Variants in RAI14 observed in about 807,000 individuals in gnomAD.
RAI14 encodes the protein ankycorbin.
Under a neutral mutation model 115.4 loss-of-function variants are expected in RAI14, and 45 were observed. The observed-to-expected ratio is 0.39, with a 90% confidence interval of 0.31 to 0.50. The LOEUF (loss-of-function observed/expected upper bound fraction) is 0.50, where lower values mean the gene tolerates loss of function less well. Among genes scored for constraint, RAI14 ranks in the 20% least tolerant of loss-of-function variants. RAI14 has a pLI of 0.85. For synonymous variants in RAI14, 371 were observed against 415.4 expected, an observed-to-expected ratio of 0.89 and a Z score of 1.30; for missense variants, 939 against 1,131.2, an observed-to-expected ratio of 0.83 and a Z score of 2.44.
intron 3 of RAI14, among the ~76,000 whole-genome samples, chr5:34,771,092 G>C (rs1160946566): frequency 3.3e-5 from 5 of 152,174 alleles, no homozygotes; most frequent in African/African-American, 1.2e-4. Context: ...GGAAAGAAGG[G>C]AGTCGTGGGT....
At position 34,826,450 on chromosome 5, in the gene RAI14, C is replaced by T; in HGVS notation, c.2770C>T (p.Gln924Ter). 1 of 1,613,900 alleles carries T rather than the reference C, an allele frequency of 6.2e-7. No individual in the cohort carries two copies. Among genetic ancestry groups the T allele is most frequent in the Non-Finnish European group, 8.5e-7 (1 of 1,179,884 alleles). ...QSQQLEALQQ[Q>*]VKQLQNQLAE... ...TCAGCAGCTGGAGGCGCTGCAGCAGCAAGTCAAACAGCTCCAGAACCAGCT... is the reference window on the plus strand; with the variant it reads ...TCAGCAGCTGGAGGCGCTGCAGCAGTAAGTCAAACAGCTCCAGAACCAGCT... Residue 924 changes from glutamine to a stop codon, truncating the protein, a stop_gained, in exon 16 of 18, where the codon CAA (glutamine) becomes TAA (stop). Transcript: ENST00000265109. LOFTEE classifies it high-confidence loss of function.
rs187211147 is a variant in RAI14 at position 34,783,023 on chromosome 5, T to C, written c.168-12916T>C. 1.1e-4 allele frequency among the ~76,000 whole-genome samples: 16 copies of C among 152,318 alleles called. No homozygotes were observed. In the East Asian group the frequency reaches 3.1e-3, roughly 29 times the overall value. On this transcript the variant is annotated intron_variant, in intron 3 of 17. Coordinates refer to ENST00000265109, the MANE Select transcript of RAI14 (RefSeq NM_015577.3). Reference sequence around the variant, plus strand: ...ATAGGAGCAGATTTATAATGGTAAATACTGAGATCAGAAAGCATGTGTAAC... The same window carrying C: ...ATAGGAGCAGATTTATAATGGTAAACACTGAGATCAGAAAGCATGTGTAAC...
In RAI14 at chr5:34,791,158, G is replaced by A. The variant is rs1752874990; in HGVS notation, c.168-4781G>A. Among the ~76,000 whole-genome samples the A allele has an allele frequency of 6.6e-6, 1 of 152,126 alleles. No individual in the cohort carries two copies. The highest frequency in any genetic ancestry group is 1.5e-5 in the Non-Finnish European group (1 of 68,016). On this transcript the variant is annotated intron_variant, in intron 3 of 17. Transcript: ENST00000265109. The surrounding 1 kb of genome is among the most constrained non-coding windows in gnomAD (Gnocchi z 5.4). ...TTGTAGCAGTTGTTTGTATCCATGT[G>A]TGTTGGTGCCCATATGTATTGTTTG...
chr5:34,663,241 C>T (rs923501912), intron 1 of RAI14, among the ~76,000 whole-genome samples: 1 of 152,104 alleles, frequency 6.6e-6, no homozygotes, highest in African/African-American at 2.4e-5. Context: ...TTTGGCCAGG[C>T]ATGGTGGTTC....
Position 34,827,400 on chromosome 5 carries a change from A to G in RAI14, c.2799+921A>G, listed in dbSNP as rs1463639591. Among the ~76,000 whole-genome samples the G allele has an allele frequency of 6.6e-6, 1 of 152,200 alleles. No individual in the cohort carries two copies. Among genetic ancestry groups the G allele is most frequent in the Non-Finnish European group, 1.5e-5 (1 of 68,024 alleles). On this transcript the variant is annotated intron_variant, in intron 16 of 17. Coordinates refer to ENST00000265109, the MANE Select transcript of RAI14 (RefSeq NM_015577.3). This position sits in a 1 kb window ranked among gnomAD's most constrained non-coding sequence, Gnocchi z 4.2. ...ATGTGGACATCTTTCAAGAGCCATT[A>G]TTTAGCTTACCACAATATCTGTTAA...
Position 34,780,118 on chromosome 5 carries a change from G to A in RAI14, c.168-15821G>A, listed in dbSNP as rs535972006. On this transcript the variant is annotated intron_variant, in intron 3 of 17. Transcript: ENST00000265109. ...GACAAACCTGACAAAAACAAGAAAT[G>A]GGGAAAGGATTCCCTATTTAATAAA... Among the ~76,000 whole-genome samples the A allele has an allele frequency of 2.2e-3, 331 of 152,240 alleles. 2 individuals are homozygous for A. The highest frequency in any genetic ancestry group is 7.7e-3 in the African/African-American group (319 of 41,550).
intron 11 of RAI14, among the ~76,000 whole-genome samples, 161 bp downstream of exon 11, chr5:34,813,821 T>C (rs750254422): frequency 3.3e-5 from 5 of 152,240 alleles, no homozygotes; most frequent in Non-Finnish European, 7.3e-5. Flanking sequence ...GTAAGAAGGA[T>C]TGATGATTAG....
At position 34,813,643 on chromosome 5, in the gene RAI14, C is replaced by T; in HGVS notation, c.835C>T (p.Pro279Ser). The T allele has an allele frequency of 6.2e-7, 1 of 1,611,620 alleles. No individual in the cohort carries two copies. Among genetic ancestry groups the T allele is most frequent in the South Asian group, 1.1e-5 (1 of 90,982 alleles). ...AAAAAAACGCAAAGCTCCACCACCT[C>T]CTATCAGTCCTACCCAGGTAAAAAC... ...TPKKRKAPPP[P>S]ISPTQLSDVS... Residue 279 changes from proline to serine, a missense_variant, in exon 11 of 18, where the codon CCT becomes TCT. Pro to Ser is a moderately conservative substitution (Grantham distance 74). Transcript: ENST00000265109.
intron 5 of RAI14, among the ~76,000 whole-genome samples, chr5:34,804,460 T>C (rs968390049): frequency 2.0e-5 from 3 of 152,230 alleles, no homozygotes; most frequent in Admixed American, 6.5e-5. Flanking sequence ...AGGAACAGCA[T>C]AGAGCAATAA....
rs544433732 is a variant in RAI14 at position 34,759,715 on chromosome 5, A to G, written c.167+2117A>G. ...ATTACAATGTAATAATAATAGAAAT[A>G]AAATACACAATAAATGTAATGTGCT... On this transcript the variant is annotated intron_variant, in intron 3 of 17. Transcript: ENST00000265109. Among the ~76,000 whole-genome samples the G allele has an allele frequency of 1.3e-3, 192 of 152,370 alleles. 1 individual carries two copies. Among genetic ancestry groups the G allele is most frequent in the African/African-American group, 3.4e-3 (141 of 41,600 alleles).
intron 1 of RAI14, among the ~76,000 whole-genome samples, chr5:34,675,229 T>C (rs1383441240): frequency 2.0e-5 from 3 of 152,230 alleles, no homozygotes; most frequent in Non-Finnish European, 4.4e-5. Context: ...TTCACTGAGT[T>C]AGAACTTACT....
chr5:34,680,458 T>G lies in RAI14; in HGVS notation c.-48-6414T>G, dbSNP rs181549665. ...ACTAATTCACTCCCGTAATAAAGCA[T>G]GAATCCATTCAGAAGGGTAGAACCC... On this transcript the variant is annotated intron_variant, in intron 1 of 17. Transcript: ENST00000265109. 3.3e-3 allele frequency among the ~76,000 whole-genome samples: 499 copies of G among 152,324 alleles called. 2 individuals are homozygous for G. The highest frequency in any genetic ancestry group is 4.2e-3 in the Non-Finnish European group (285 of 68,032).
chr5:34,727,895 C>A (rs1367968164), intron 2 of RAI14, among the ~76,000 whole-genome samples: 1 of 152,154 alleles, frequency 6.6e-6, no homozygotes, highest in African/African-American at 2.4e-5. Context: ...CACACAGAGT[C>A]CCCACTGGGG....
intron 3 of RAI14, among the ~76,000 whole-genome samples, chr5:34,780,033 C>G (rs553926731): frequency 6.8e-4 from 103 of 152,168 alleles, no homozygotes; most frequent in African/African-American, 2.4e-3. Flanking sequence ...GGTATAATAC[C>G]AATGGAACAG....
At chr5:34,783,789 T>C (rs372403651) in intron 3 of RAI14, among the ~76,000 whole-genome samples, 8 of 152,190 alleles carry the variant, frequency 5.3e-5, no homozygotes, top group African/African-American at 1.9e-4. Flanking sequence ...ATATTCCATA[T>C]AGAGAAAAAT....
chr5:34,753,629 A>C (rs929637227), intron 2 of RAI14, among the ~76,000 whole-genome samples: 3 of 151,780 alleles, frequency 2.0e-5, no homozygotes, highest in African/African-American at 7.3e-5. Flanking sequence ...AAAATACAAA[A>C]ATTGGGCCAG....
intron 13 of RAI14, among the ~76,000 whole-genome samples, chr5:34,820,670 A>G (rs1580363275): frequency 1.3e-5 from 2 of 152,298 alleles, no homozygotes; most frequent in South Asian, 4.1e-4. Flanking sequence ...TTCACTAAGC[A>G]CATTGTTTTG....
At chr5:34,682,066 G>T (rs113600488) in intron 1 of RAI14, among the ~76,000 whole-genome samples, 19 of 152,086 alleles carry the variant, frequency 1.2e-4, no homozygotes, top group African/African-American at 4.6e-4. Flanking sequence ...TGTTGGTCAG[G>T]CTGGTCTTGA....
chr5:34,773,599 G>A (rs760313755), intron 3 of RAI14, among the ~76,000 whole-genome samples: 1 of 151,970 alleles, frequency 6.6e-6, no homozygotes, highest in Admixed American at 6.6e-5. Flanking sequence ...CTAAGGACAT[G>A]AATAGATATT....
Sources: allele counts gnomAD v4.1 joint callset (sites outside exome capture counted in the v4.1 genomes callset), GRCh38; gene constraint gnomAD v4.1.1; non-coding constraint Gnocchi (gnomAD v3.1); transcripts MANE v1.5; gene names NCBI Gene and HGNC (gene_info 2026-07-23, HGNC 2026-07-21).